WWP2: variants seen among roughly 807,000 people sequenced by gnomAD.
The protein encoded by WWP2 is WW domain containing E3 ubiquitin protein ligase 2, also known as NEDD4-like E3 ubiquitin-protein ligase WWP2.
In WWP2, 57 loss-of-function variants were observed where a neutral mutation model predicts 121.0. That is an observed-to-expected ratio of 0.47 (90% CI 0.38 to 0.59). The LOEUF (loss-of-function observed/expected upper bound fraction) is 0.59. Among genes scored for constraint, WWP2 ranks in the 20% least tolerant of loss-of-function variants. The pLI, the probability that WWP2 is intolerant of heterozygous loss-of-function variation, is 0.00. For missense variants in WWP2, 962 were observed against 1,158.9 expected, an observed-to-expected ratio of 0.83 and a Z score of 2.47; for synonymous variants, 449 against 441.3, an observed-to-expected ratio of 1.02 and a Z score of -0.22.
chr16:69,927,703 G>A (rs2058659354), intron 11 of WWP2, among the ~76,000 whole-genome samples: 1 of 152,230 alleles, frequency 6.6e-6, no homozygotes, highest in Non-Finnish European at 1.5e-5. Flanking sequence ...CTTCGGGGCT[G>A]GGAGCAGCCC....
At chr16:69,773,465 C>G (rs1410105046) in intron 1 of WWP2, among the ~76,000 whole-genome samples, 1 of 151,954 alleles carries the variant, frequency 6.6e-6, no homozygotes. Flanking sequence ...AGGCATGAGC[C>G]ACCACGCCCA....
chr16:69,853,796 G>A (rs1051268888), intron 6 of WWP2, among the ~76,000 whole-genome samples: 1 of 152,146 alleles, frequency 6.6e-6, no homozygotes, highest in East Asian at 1.9e-4. Flanking sequence ...AGGAGGGAGG[G>A]GGGTACTCCC....
At chr16:69,918,392 TAA>T (rs1450855734) in intron 10 of WWP2, among the ~76,000 whole-genome samples, 1 of 152,184 alleles carries the variant, frequency 6.6e-6, no homozygotes, top group Non-Finnish European at 1.5e-5. Flanking sequence ...GATTGGCAAA[TAA>T]TAGTCCATGG....
intron 7 of WWP2, among the ~76,000 whole-genome samples, chr16:69,877,268 G>A (rs570380665): frequency 1.3e-5 from 2 of 152,218 alleles, no homozygotes; most frequent in East Asian, 1.9e-4. Context: ...GGACTTTTAC[G>A]CTGTGTTTGA....
intron 2 of WWP2, among the ~76,000 whole-genome samples, chr16:69,791,319 C>T (rs895223639): frequency 2.0e-5 from 3 of 152,042 alleles, no homozygotes; most frequent in African/African-American, 7.2e-5. Context: ...CCTCTGCCTC[C>T]CAAGTTCAAG....
Position 69,799,520 on chromosome 16 carries a change from T to C in WWP2, c.340+225T>C, listed in dbSNP as rs2056117585. On this transcript the variant is annotated intron_variant, in intron 4 of 23. Transcript: ENST00000359154. This position sits in a 1 kb window ranked among gnomAD's most constrained non-coding sequence, Gnocchi z 4.5. ...CCTCTAGTAATGTGATGCAGTGGTG[T>C]GTTGCCCTTTATCCTTCCTTAGGGA... 2.1e-6 allele frequency: 1 copy of C among 478,956 alleles called. No homozygotes were observed. Among genetic ancestry groups the C allele is most frequent in the Non-Finnish European group, 3.6e-6 (1 of 281,048 alleles). 29.7% of individuals were successfully genotyped at this position (478,956 alleles called of 1,614,324 possible).
In WWP2 at chr16:69,934,024, T is replaced by G; in HGVS notation, c.1737T>G (p.Phe579Leu). The G allele has an allele frequency of 6.2e-7, 1 of 1,614,190 alleles. No homozygotes were observed. Among genetic ancestry groups the G allele is most frequent in the Non-Finnish European group, 8.5e-7 (1 of 1,180,022 alleles). Residue 579 changes from phenylalanine to leucine, a missense_variant, in exon 17 of 24, where the codon TTT (phenylalanine) becomes TTG (leucine). Phe to Leu is a conservative substitution (Grantham distance 22). Coordinates refer to ENST00000359154, the MANE Select transcript of WWP2 (RefSeq NM_001270454.2). ...HEVLNPMYCL[F>L]EYAGKNNYCL... ...TGCTCAACCCTATGTATTGTTTATTTGAATATGCCGGAAAGAACAATTACT... is the reference window on the plus strand; with the variant it reads ...TGCTCAACCCTATGTATTGTTTATTGGAATATGCCGGAAAGAACAATTACT...
At chr16:69,930,493 G>C (rs940146019) in intron 13 of WWP2, among the ~76,000 whole-genome samples, 2 of 152,064 alleles carry the variant, frequency 1.3e-5, no homozygotes, top group African/African-American at 2.4e-5. Context: ...CAATAAAAAA[G>C]ATTAACCAGG....
In WWP2 at chr16:69,875,214, T is replaced by A. The variant is rs181166799; in HGVS notation, c.703+3283T>A. ...AAGTTATGTTTACACTATACTATGG[T>A]CCATAAAAGGTACAACAGCATTATG... On this transcript the variant is annotated intron_variant, in intron 7 of 23. Transcript: ENST00000359154. Among the ~76,000 whole-genome samples the A allele has an allele frequency of 9.0e-4, 137 of 152,296 alleles. 1 individual carries two copies. Among genetic ancestry groups the A allele is most frequent in the Admixed American group, 6.7e-3 (103 of 15,286 alleles).
intron 9 of WWP2, among the ~76,000 whole-genome samples, chr16:69,913,379 G>A (rs1191378105): frequency 1.3e-5 from 2 of 152,000 alleles, no homozygotes; most frequent in Non-Finnish European, 1.5e-5. Context: ...GTGTATGCCT[G>A]TGTTCCCAGC....
At chr16:69,911,249 C>T (rs917252543) in intron 9 of WWP2, among the ~76,000 whole-genome samples, 1 of 152,152 alleles carries the variant, frequency 6.6e-6, no homozygotes, top group African/African-American at 2.4e-5. Flanking sequence ...TATCCGGGAG[C>T]AATAAGTATT....
At chr16:69,767,860 C>T (rs2038766444) in intron 1 of WWP2, among the ~76,000 whole-genome samples, 1 of 152,122 alleles carries the variant, frequency 6.6e-6, no homozygotes. Context: ...GCTTTTGAGA[C>T]AAGGTCTCAT....
At chr16:69,800,687 C>A (rs568233255) in intron 4 of WWP2, among the ~76,000 whole-genome samples, 8 of 151,392 alleles carry the variant, frequency 5.3e-5, no homozygotes, top group Non-Finnish European at 1.2e-4. Context: ...ACCTCAGCCT[C>A]CCAAGTAGCT....
chr16:69,818,311 A>C (rs889811190), intron 4 of WWP2, among the ~76,000 whole-genome samples: 1 of 151,710 alleles, frequency 6.6e-6, no homozygotes, highest in African/African-American at 2.4e-5. Flanking sequence ...GGGTTCAAGC[A>C]ATTCTCCTGC....
At chr16:69,822,619 C>G in intron 4 of WWP2, among the ~76,000 whole-genome samples, 1 of 151,432 alleles carries the variant, frequency 6.6e-6, no homozygotes, top group East Asian at 1.9e-4. Flanking sequence ...CACCTGGACA[C>G]CAGAAAGAGA....
At chr16:69,933,252 C>T (rs563010431) in intron 16 of WWP2, 2 of 410,820 alleles carry the variant, frequency 4.9e-6, no homozygotes, top group South Asian at 3.6e-5. Context: ...CCCCTTGGGA[C>T]ATCCCCTTGC....
Position 69,896,758 on chromosome 16 carries a change from G to A in WWP2, c.914+8509G>A, listed in dbSNP as rs367673055. Among the ~76,000 whole-genome samples the A allele has an allele frequency of 1.1e-4, 17 of 149,702 alleles. 2 individuals carry two copies. Among genetic ancestry groups the A allele is most frequent in the East Asian group, 3.9e-4 (2 of 5,118 alleles). ...TTTTTTTTTTTAAACACTAACTACA[G>A]CTACCATGTATTCTAAGTGTTTCTA... is the stretch of plus-strand genomic sequence containing the variant. On this transcript the variant is annotated intron_variant, in intron 8 of 23. Transcript: ENST00000359154.
intron 4 of WWP2, among the ~76,000 whole-genome samples, chr16:69,801,910 C>G (rs1222557137): frequency 6.6e-6 from 1 of 151,596 alleles, no homozygotes; most frequent in Non-Finnish European, 1.5e-5. Context: ...AAAAATGTAT[C>G]AATATATATT....
At chr16:69,938,468 A>C (rs1268105437) in intron 21 of WWP2, among the ~76,000 whole-genome samples, 2 of 152,238 alleles carry the variant, frequency 1.3e-5, no homozygotes, top group Non-Finnish European at 2.9e-5. Context: ...CAATATAAAA[A>C]ATTAGCCAGG....
Sources: allele counts gnomAD v4.1 joint callset (sites outside exome capture counted in the v4.1 genomes callset), GRCh38; gene constraint gnomAD v4.1.1; non-coding constraint Gnocchi (gnomAD v3.1); transcripts MANE v1.5; gene names NCBI Gene and HGNC (gene_info 2026-07-23, HGNC 2026-07-21).